The following LRRC8C variants were observed in gnomAD, a reference collection of about 807,000 sequenced individuals.
LRRC8C encodes volume-regulated anion channel subunit LRRC8C.
A neutral mutation model predicts 55.3 loss-of-function variants in LRRC8C; 20 were observed. The observed-to-expected ratio is 0.36, with a 90% CI of 0.25 to 0.53. The LOEUF (loss-of-function observed/expected upper bound fraction) is 0.53, where lower values mean the gene tolerates loss of function less well. LRRC8C is among the 20% of genes least tolerant of loss of function. LRRC8C has a pLI of 0.92. For missense variants in LRRC8C, 659 were observed against 951.4 expected, an observed-to-expected ratio of 0.69 and a Z score of 4.04; for synonymous variants, 376 against 360.7, an observed-to-expected ratio of 1.04 and a Z score of -0.48.
chr1:89,677,324 C>G (rs1241519882), intron 1 of LRRC8C, among the ~76,000 whole-genome samples: 1 of 152,132 alleles, frequency 6.6e-6, no homozygotes, highest in Non-Finnish European at 1.5e-5. Flanking sequence ...GTTGCAAGTT[C>G]CGCTTACCTC....
intron 1 of LRRC8C, among the ~76,000 whole-genome samples, chr1:89,662,712 C>A (rs955598508): frequency 1.3e-5 from 2 of 152,016 alleles, no homozygotes; most frequent in East Asian, 3.9e-4. Flanking sequence ...AGTAAGGGAC[C>A]TGAATAATGC....
chr1:89,670,786 G>A (rs1657392472), intron 1 of LRRC8C, among the ~76,000 whole-genome samples: 1 of 152,018 alleles, frequency 6.6e-6, no homozygotes, highest in African/African-American at 2.4e-5. Flanking sequence ...GAAAGTAAAG[G>A]TACCTGTTTA....
intron 1 of LRRC8C, among the ~76,000 whole-genome samples, chr1:89,662,830 T>A (rs113563325): frequency 0.11 from 16,268 of 152,194 alleles, 1,164 homozygotes; most frequent in South Asian, 0.27. Flanking sequence ...TTTCTTTTTT[T>A]TAATTATTAT....
chr1:89,625,057 G>A, the LRRC8C span: 3 of 152,206 alleles, frequency 2.0e-5, no homozygotes, highest in Non-Finnish European at 4.4e-5. Flanking sequence ...GGGATGGATG[G>A]TGGAAGACCA....
chr1:89,711,203 T>C (rs1054173904), intron 2 of LRRC8C, among the ~76,000 whole-genome samples: 1 of 152,246 alleles, frequency 6.6e-6, no homozygotes, highest in Non-Finnish European at 1.5e-5. Context: ...TCAGAAAATA[T>C]ACACTGGTGG....
chr1:89,640,355 A>G (rs997416180), intron 1 of LRRC8C, among the ~76,000 whole-genome samples: 2 of 152,214 alleles, frequency 1.3e-5, no homozygotes, highest in African/African-American at 4.8e-5. Flanking sequence ...GAGCCACTGC[A>G]CCCAGCCTCT....
chr1:89,673,855 A>G (rs1215494674), intron 1 of LRRC8C, among the ~76,000 whole-genome samples: 3 of 152,198 alleles, frequency 2.0e-5, no homozygotes, highest in Non-Finnish European at 4.4e-5. Flanking sequence ...CCTCAATGAG[A>G]GCCTGAAACT....
At chr1:89,690,419 G>T (rs1657996469) in intron 2 of LRRC8C, among the ~76,000 whole-genome samples, 1 of 152,062 alleles carries the variant, frequency 6.6e-6, no homozygotes, top group Non-Finnish European at 1.5e-5. Flanking sequence ...GTAGAGGAAG[G>T]TGACATAGAT....
At chr1:89,692,121 T>A (rs1412203553) in intron 2 of LRRC8C, among the ~76,000 whole-genome samples, 1 of 152,220 alleles carries the variant, frequency 6.6e-6, no homozygotes, top group Non-Finnish European at 1.5e-5. Context: ...TAATGACTGA[T>A]AACTTTATAA....
chr1:89,682,704 C>T (rs1364357299), intron 1 of LRRC8C, among the ~76,000 whole-genome samples: 1 of 152,206 alleles, frequency 6.6e-6, no homozygotes, highest in Non-Finnish European at 1.5e-5. Flanking sequence ...AAACCAGGTT[C>T]ACTTGCTGTT....
chr1:89,710,520 A>G (rs1281252899), intron 2 of LRRC8C, among the ~76,000 whole-genome samples: 2 of 152,224 alleles, frequency 1.3e-5, no homozygotes, highest in East Asian at 1.9e-4. Context: ...GGCATACTCA[A>G]CATTTTCCTC....
intron 2 of LRRC8C, among the ~76,000 whole-genome samples, chr1:89,695,243 T>G (rs538188003): frequency 6.6e-6 from 1 of 152,248 alleles, no homozygotes; most frequent in Middle Eastern, 3.4e-3. Flanking sequence ...CTTTTGAACA[T>G]ACATAGTGAC....
In LRRC8C at chr1:89,704,785, G is replaced by A. The variant is rs374967674; in HGVS notation, c.139-7924G>A. On this transcript the variant is annotated intron_variant, in intron 2 of 2. Transcript: ENST00000370454. ...AAGTCAGGAAACAACAGGTACTGGA[G>A]AGGATGTGGAGAAACAGGAACACTT... 2.6e-4 allele frequency among the ~76,000 whole-genome samples: 39 copies of A among 152,256 alleles called. No homozygotes were observed. In the South Asian group the frequency reaches 4.1e-3, roughly 16 times the overall value.
intron 1 of LRRC8C, among the ~76,000 whole-genome samples, chr1:89,634,786 T>C (rs1393626156): frequency 2.0e-5 from 3 of 152,228 alleles, no homozygotes; most frequent in African/African-American, 7.2e-5. Flanking sequence ...GCATTTCTTG[T>C]GACTTGCTTT....
At chr1:89,656,977 C>G (rs1289281572) in intron 1 of LRRC8C, among the ~76,000 whole-genome samples, 1 of 152,172 alleles carries the variant, frequency 6.6e-6, no homozygotes, top group African/African-American at 2.4e-5. Context: ...GTTAAATAAC[C>G]TGCCCAAAGT....
chr1:89,643,968 A>G (rs921900326), intron 1 of LRRC8C, among the ~76,000 whole-genome samples: 28 of 152,370 alleles, frequency 1.8e-4, no homozygotes, highest in African/African-American at 5.3e-4. Context: ...CTTTGTTTCA[A>G]GTTTTTAAAA....
Position 89,690,409 on chromosome 1 carries a change from G to A in LRRC8C, c.138+3798G>A, listed in dbSNP as rs566415006. On this transcript the variant is annotated intron_variant, in intron 2 of 2. Transcript: ENST00000370454. ...TTTGGGGTGGCTAGCTTGGGAAATA[G>A]TAGAGGAAGGTGACATAGATTAGCG... Among the ~76,000 whole-genome samples the A allele has an allele frequency of 4.6e-5, 7 of 152,256 alleles. No individual in the cohort carries two copies. In the South Asian group the frequency reaches 1.5e-3, roughly 32 times the overall value.
At chr1:89,688,582 A>G (rs1300721905) in intron 2 of LRRC8C, among the ~76,000 whole-genome samples, 1 of 152,212 alleles carries the variant, frequency 6.6e-6, no homozygotes, top group Admixed American at 6.5e-5. Context: ...GGCCAGGCAG[A>G]TGTCCTGGAA....
At chr1:89,700,470 G>A (rs758326614) in intron 2 of LRRC8C, among the ~76,000 whole-genome samples, 16 of 152,236 alleles carry the variant, frequency 1.1e-4, no homozygotes, top group Middle Eastern at 6.8e-3. Context: ...AAAACTAATT[G>A]TGTTTTTTGC....
Sources: allele counts gnomAD v4.1 joint callset (sites outside exome capture counted in the v4.1 genomes callset), GRCh38; gene constraint gnomAD v4.1.1; transcripts MANE v1.5; gene names NCBI Gene and HGNC (gene_info 2026-07-23, HGNC 2026-07-21).